ZFHX3: variants seen among roughly 807,000 people sequenced by gnomAD.
ZFHX3 encodes zinc finger homeobox protein 3.
Under a neutral mutation model 279.1 loss-of-function variants are expected in ZFHX3, and 42 were observed. The observed-to-expected ratio is 0.15, with a 90% CI of 0.12 to 0.19. ZFHX3 has a LOEUF of 0.19. ZFHX3 is among the 10% of genes least tolerant of loss of function. The probability of loss-of-function intolerance (pLI) is 1.00; values close to 1 mark genes in which losing one functional copy is unlikely to be tolerated. For synonymous variants in ZFHX3, 2,293 were observed against 1,957.8 expected (o/e 1.17, Z -4.52); for missense variants, 4,981 against 4,754.0 (o/e 1.05, Z -1.40).
At chr16:73,218,880 T>G (rs2012305163) in intron 5 of ZFHX3, among the ~76,000 whole-genome samples, 1 of 152,212 alleles carries the variant, frequency 6.6e-6, no homozygotes, top group African/African-American at 2.4e-5. Flanking sequence ...TGTGCAACCA[T>G]CACCATCTAA....
chr16:73,437,209 C>T (rs552177782), intron 3 of ZFHX3, among the ~76,000 whole-genome samples: 1 of 152,266 alleles, frequency 6.6e-6, no homozygotes, highest in Non-Finnish European at 1.5e-5. Flanking sequence ...CAACCTAATA[C>T]CGTATTTTGC....
At position 72,958,890 on chromosome 16, in the gene ZFHX3, G is replaced by A. The variant is rs1275046971; in HGVS notation, c.1256C>T (p.Pro419Leu). 1 of 1,610,448 alleles carries A rather than the reference G, an allele frequency of 6.2e-7. No homozygotes were observed. ...SVLKTPITSV[P>L]LGPLASSPTK... is the part of the protein sequence containing the mutation. Reference sequence around the variant, plus strand: ...AGGACTGGAAGCCAGAGGCCCCAGGGGGACTGAGGTAATGGGGGTCTTCAG... The same window carrying A: ...AGGACTGGAAGCCAGAGGCCCCAGGAGGACTGAGGTAATGGGGGTCTTCAG... Residue 419 changes from proline to leucine, a missense_variant, in exon 2 of 10, where the codon CCC becomes CTC. Transcript: ENST00000268489.
chr16:72,951,662 C>T (rs1961007540), intron 2 of ZFHX3, among the ~76,000 whole-genome samples: 1 of 152,200 alleles, frequency 6.6e-6, no homozygotes, highest in East Asian at 1.9e-4. Context: ...TGCAGACCTT[C>T]CAAAATTGGA....
intron 1 of ZFHX3, among the ~76,000 whole-genome samples, chr16:73,706,090 A>G (rs1280277844): frequency 6.6e-6 from 1 of 152,170 alleles, no homozygotes; most frequent in Non-Finnish European, 1.5e-5. Flanking sequence ...GGATCGCTTG[A>G]GTCCAGGAGT....
chr16:73,730,386 G>GAGAA (rs1555535607), intron 1 of ZFHX3, among the ~76,000 whole-genome samples: 8 of 144,966 alleles, frequency 5.5e-5, no homozygotes, highest in East Asian at 2.0e-4. Flanking sequence ...GAAAAAGAGA[G>GAGAA]AGAAAGAAAG....
intron 1 of ZFHX3, among the ~76,000 whole-genome samples, chr16:73,884,090 T>A (rs1325804066): frequency 1.3e-5 from 2 of 152,202 alleles, no homozygotes; most frequent in Non-Finnish European, 2.9e-5. Flanking sequence ...GTGAAGTAGT[T>A]TCCAGCACAC....
chr16:73,023,664 C>T (rs886853196), intron 1 of ZFHX3, among the ~76,000 whole-genome samples: 9 of 152,212 alleles, frequency 5.9e-5, no homozygotes, highest in African/African-American at 9.6e-5. Context: ...AGAAAACCAG[C>T]GCTTAGAAAA....
At chr16:73,704,849 C>A (rs1027738209) in intron 1 of ZFHX3, among the ~76,000 whole-genome samples, 3 of 152,174 alleles carry the variant, frequency 2.0e-5, no homozygotes, top group Non-Finnish European at 4.4e-5. Context: ...CATCTCCAAG[C>A]TGTCCCACCT....
At chr16:72,791,924 T>C (rs1017519978) in intron 9 of ZFHX3, among the ~76,000 whole-genome samples, 5 of 152,200 alleles carry the variant, frequency 3.3e-5, no homozygotes, top group African/African-American at 1.2e-4. Flanking sequence ...GAAACTAAGA[T>C]TGCTGTGGGA....
upstream of ZFHX3, among the ~76,000 whole-genome samples, chr16:73,063,671 G>A (rs545386732): frequency 7.2e-4 from 110 of 152,226 alleles, no homozygotes; most frequent in African/African-American, 2.4e-3. Flanking sequence ...TTGAATGTTG[G>A]TGCTAGACCC....
At chr16:73,834,193 G>A (rs1376884327) in intron 1 of ZFHX3, among the ~76,000 whole-genome samples, 2 of 152,114 alleles carry the variant, frequency 1.3e-5, no homozygotes, top group Non-Finnish European at 2.9e-5. Context: ...TCCTGTCCCA[G>A]GAAATCACTC....
At chr16:73,873,452 T>C (rs1000877099) in intron 1 of ZFHX3, among the ~76,000 whole-genome samples, 1 of 152,192 alleles carries the variant, frequency 6.6e-6, no homozygotes, top group South Asian at 2.1e-4. Flanking sequence ...ACTCATTTTA[T>C]GTGTTTCTTT....
intron 3 of ZFHX3, among the ~76,000 whole-genome samples, chr16:73,416,426 T>C (rs2017582202): frequency 6.6e-6 from 1 of 152,074 alleles, no homozygotes; most frequent in Non-Finnish European, 1.5e-5. Flanking sequence ...GTAGATGGAA[T>C]GGGAGGACTA....
At chr16:73,879,247 ATAGGAAAG>A (rs1395355051) in intron 1 of ZFHX3, among the ~76,000 whole-genome samples, 1 of 150,432 alleles carries the variant, frequency 6.6e-6, no homozygotes, top group African/African-American at 2.4e-5. Context: ...TAAAATCACA[ATAGGAAAG>A]ACTACCATCG....
At chr16:73,216,913 T>C (rs555085293) in intron 5 of ZFHX3, among the ~76,000 whole-genome samples, 1 of 152,294 alleles carries the variant, frequency 6.6e-6, no homozygotes, top group African/African-American at 2.4e-5. Context: ...AGACAGATAG[T>C]GGTGCAAATA....
intron 4 of ZFHX3, among the ~76,000 whole-genome samples, chr16:73,279,698 T>A (rs926113700): frequency 6.6e-6 from 1 of 152,142 alleles, no homozygotes; most frequent in Non-Finnish European, 1.5e-5. Context: ...AACCCATCTT[T>A]CAAGCAGAAC....
chr16:72,967,672 T>G (rs1283694197), intron 1 of ZFHX3, among the ~76,000 whole-genome samples: 2 of 151,692 alleles, frequency 1.3e-5, no homozygotes. Context: ...ATCCCAGCAC[T>G]TTGGGAGGCC....
chr16:73,782,751 G>A (rs2142305631), intron 1 of ZFHX3, among the ~76,000 whole-genome samples: 1 of 152,336 alleles, frequency 6.6e-6, no homozygotes, highest in Admixed American at 6.5e-5. Flanking sequence ...GAAATCCTGG[G>A]TTCCAGGTTG....
At chr16:73,786,370 T>C (rs866743083) in intron 1 of ZFHX3, among the ~76,000 whole-genome samples, 16 of 152,194 alleles carry the variant, frequency 1.1e-4, no homozygotes, top group Non-Finnish European at 1.9e-4. Context: ...GATAAGCATT[T>C]TCTATTGATT....
Sources: gnomAD v4.1 joint callset for allele counts (sites outside exome capture counted in the v4.1 genomes callset) on GRCh38, gnomAD v4.1.1 for gene constraint, MANE v1.5 for transcripts, NCBI Gene and HGNC (gene_info 2026-07-23, HGNC 2026-07-21) for gene names.